SAMD12: variants seen among roughly 807,000 people sequenced by gnomAD.
The protein encoded by SAMD12 is sterile alpha motif domain-containing protein 12.
SAMD12 carries 9 observed loss-of-function variants against 15.0 expected under a neutral mutation model. That is an observed-to-expected ratio of 0.60 (90% CI 0.36 to 1.05). The LOEUF is 1.05. Ranked by LOEUF, SAMD12 falls within the 50% of genes least tolerant of loss-of-function variation. The pLI is 0.01. For missense variants in SAMD12, 230 were observed against 234.2 expected (o/e 0.98, Z 0.12); for synonymous variants, 86 against 90.1 (o/e 0.96, Z 0.25).
chr8:118,308,978 G>C (rs1815484506), intron 4 of SAMD12, among the ~76,000 whole-genome samples: 2 of 152,084 alleles, frequency 1.3e-5, no homozygotes, highest in Admixed American at 6.6e-5. Context: ...GATCTTTCTT[G>C]ATTCCTAAAT....
At chr8:118,564,555 A>G (rs566030277) in intron 2 of SAMD12, among the ~76,000 whole-genome samples, 1 of 152,338 alleles carries the variant, frequency 6.6e-6, no homozygotes, top group South Asian at 2.1e-4. Context: ...TCTGTCTGGT[A>G]AAAAGAAAGT....
At chr8:118,195,289 T>C (rs1417470316) in exon 5 of SAMD12, 2 of 152,256 alleles carry the variant, frequency 1.3e-5, no homozygotes, top group Non-Finnish European at 2.9e-5. Context: ...TAAATCTTAA[T>C]TCCCAGTTAC....
chr8:118,173,572 T>C, the SAMD12 span, among the ~76,000 whole-genome samples: 1 of 147,900 alleles, frequency 6.8e-6, no homozygotes, highest in South Asian at 2.1e-4. Context: ...ATATAATCTA[T>C]ATATTTAACT....
chr8:118,560,937 A>T (rs954389413), intron 2 of SAMD12, among the ~76,000 whole-genome samples: 3 of 152,210 alleles, frequency 2.0e-5, no homozygotes, highest in African/African-American at 7.2e-5. Flanking sequence ...AAAGTTTTAC[A>T]GGGTTATGTC....
intron 4 of SAMD12, among the ~76,000 whole-genome samples, chr8:118,355,477 C>T (rs982899176): frequency 1.3e-5 from 2 of 152,222 alleles, no homozygotes; most frequent in South Asian, 2.1e-4. Context: ...AAAACTTACT[C>T]ATGTAACCAA....
intron 1 of SAMD12, among the ~76,000 whole-genome samples, 178 bp from the exon 2 acceptor site, chr8:118,581,071 T>C (rs1163757111): frequency 6.6e-6 from 1 of 152,138 alleles, no homozygotes; most frequent in Non-Finnish European, 1.5e-5. Flanking sequence ...TGGGAAACCT[T>C]GAGCTTGGAA....
At chr8:118,548,810 G>A (rs1183899921) in intron 2 of SAMD12, among the ~76,000 whole-genome samples, 1 of 152,184 alleles carries the variant, frequency 6.6e-6, no homozygotes, top group Non-Finnish European at 1.5e-5. Flanking sequence ...TGGAAAATCG[G>A]GTCACTCCCA....
intron 4 of SAMD12, among the ~76,000 whole-genome samples, chr8:118,227,168 T>A (rs1006819510): frequency 6.6e-6 from 1 of 152,148 alleles, no homozygotes; most frequent in African/African-American, 2.4e-5. Context: ...ATACACACCA[T>A]GAAATACTGT....
At position 118,280,447 on chromosome 8, in the gene SAMD12, T is replaced by C. The variant is rs369343079; in HGVS notation, c.434-82715A>G. Among the ~76,000 whole-genome samples, 6 of 152,262 alleles carry C rather than the reference T, an allele frequency of 3.9e-5. No homozygotes were observed. In the East Asian group the frequency reaches 1.2e-3, roughly 29 times the overall value. ...TGAGATAGAATCAAGGACAAAGTTA[T>C]CATCACTGATGCCTCCAGGGAGACT... On this transcript the variant is annotated intron_variant, in intron 4 of 4. Transcript: ENST00000409003.
chr8:118,506,771 C>T (rs959892107), intron 2 of SAMD12, among the ~76,000 whole-genome samples: 2 of 150,530 alleles, frequency 1.3e-5, no homozygotes, highest in Non-Finnish European at 3.0e-5. Flanking sequence ...TTAACTTAGC[C>T]TCAAACATAA....
At chr8:118,382,756 T>C (rs1819739056) in intron 3 of SAMD12, among the ~76,000 whole-genome samples, 1 of 152,162 alleles carries the variant, frequency 6.6e-6, no homozygotes, top group Admixed American at 6.6e-5. Flanking sequence ...TTTTTCCCAC[T>C]CTATATTCAG....
In SAMD12 at chr8:118,295,022, G is replaced by C. The variant is rs139299881; in HGVS notation, c.433+84538C>G. 7.4e-3 allele frequency among the ~76,000 whole-genome samples: 1,127 copies of C among 152,142 alleles called. 17 individuals carry two copies. The highest frequency in any genetic ancestry group is 0.023 in the African/African-American group (949 of 41,522). The stretch of plus-strand genomic sequence containing the variant: ...CTTTAGTTCACAGTGCTGGCAGTTA[G>C]AAAGAAGAAAACAAACTTCTTTTTT... On this transcript the variant is annotated intron_variant, in intron 4 of 4. Transcript: ENST00000409003.
chr8:118,551,077 G>A (rs1826316951), intron 2 of SAMD12, among the ~76,000 whole-genome samples: 1 of 152,054 alleles, frequency 6.6e-6, no homozygotes, highest in South Asian at 2.1e-4. Context: ...ATTAATAATG[G>A]GAGACTTTAA....
intron 4 of SAMD12, among the ~76,000 whole-genome samples, chr8:118,319,286 A>C (rs7828224): frequency 1.3e-5 from 2 of 151,816 alleles, no homozygotes; most frequent in Admixed American, 1.3e-4. Context: ...CCCCTCAAGA[A>C]CAAGGGTCAG....
intron 2 of SAMD12, among the ~76,000 whole-genome samples, chr8:118,565,846 T>C (rs1405024376): frequency 3.3e-5 from 5 of 152,216 alleles, no homozygotes. Flanking sequence ...TCTCTTTGCC[T>C]CCATAGGTTA....
intron 2 of SAMD12, among the ~76,000 whole-genome samples, chr8:118,477,277 G>T: frequency 6.6e-6 from 1 of 152,006 alleles, no homozygotes; most frequent in Admixed American, 6.5e-5. Flanking sequence ...TGTTGGCCAG[G>T]CTGGTCTCGA....
intron 2 of SAMD12, among the ~76,000 whole-genome samples, chr8:118,523,639 A>C (rs1825452437): frequency 6.6e-6 from 1 of 152,162 alleles, no homozygotes; most frequent in African/African-American, 2.4e-5. Flanking sequence ...TAACTGAAAA[A>C]GGTCACAGAA....
rs1429920315 is a variant in SAMD12, at chr8:118,434,896, C to A, written c.322+4936G>T. 7.2e-5 allele frequency among the ~76,000 whole-genome samples: 2 copies of A among 27,686 alleles called. 1 individual carries two copies. Among genetic ancestry groups the A allele is most frequent in the Non-Finnish European group, 2.3e-4 (2 of 8,808 alleles). The allele number at this position is 27,686 out of a possible 152,430, so 18.2% of individuals were successfully genotyped here. On this transcript the variant is annotated intron_variant, in intron 3 of 3. Coordinates refer to ENST00000314727, the MANE Select transcript of SAMD12 (RefSeq NM_207506.3). Reference sequence around the variant, plus strand: ...CGGGCGGATCACGAGGTCAGGAGATCGAGACCATCCCGGCTAAAAAAACGG... The same window carrying A: ...CGGGCGGATCACGAGGTCAGGAGATAGAGACCATCCCGGCTAAAAAAACGG...
At chr8:118,505,364 G>T (rs1824894713) in intron 2 of SAMD12, among the ~76,000 whole-genome samples, 1 of 149,238 alleles carries the variant, frequency 6.7e-6, no homozygotes, top group Non-Finnish European at 1.5e-5. Flanking sequence ...TTTTTTTCAG[G>T]GCAGTATCAT....
Sources: gnomAD v4.1 joint callset for allele counts (sites outside exome capture counted in the v4.1 genomes callset) on GRCh38, gnomAD v4.1.1 for gene constraint, MANE v1.5 for transcripts, NCBI Gene and HGNC (gene_info 2026-07-23, HGNC 2026-07-21) for gene names.